IFT88: variants seen among roughly 807,000 people sequenced by gnomAD.
IFT88 encodes intraflagellar transport protein 88 homolog.
In IFT88, 74 loss-of-function variants were observed where a neutral mutation model predicts 119.5. That is an observed-to-expected ratio of 0.62 (90% confidence interval 0.51 to 0.75). The LOEUF (loss-of-function observed/expected upper bound fraction) is 0.75. IFT88 is among the 30% of genes least tolerant of loss of function. The probability of loss-of-function intolerance (pLI) is 0.00; values close to 1 mark genes in which losing one functional copy is unlikely to be tolerated. For missense variants in IFT88, 961 were observed against 977.7 expected, an observed-to-expected ratio of 0.98 and a Z score of 0.23; for synonymous variants, 279 against 316.7, an observed-to-expected ratio of 0.88 and a Z score of 1.26.
chr13:20,657,074 T>A (rs1379092048), intron 22 of IFT88, among the ~76,000 whole-genome samples: 8 of 152,206 alleles, frequency 5.3e-5, no homozygotes, highest in African/African-American at 1.9e-4. Context: ...GCCAGGCTGT[T>A]CTCAAACTCC....
intron 16 of IFT88, among the ~76,000 whole-genome samples, chr13:20,635,936 CAGCTGATT>C (rs1222662903): frequency 2.0e-5 from 3 of 152,022 alleles, no homozygotes; most frequent in Non-Finnish European, 4.4e-5. Context: ...CCTGTGTTTG[CAGCTGATT>C]AACTTTCTCA....
rs557485450 is a variant in IFT88 at position 20,672,396 on chromosome 13, T to C, written c.2242+1357T>C. ...CAGCATTGAGCCCAAGCCTCAAGAGTACCAAAGGCAGTCTGTCACATCAAA... is the reference window on the plus strand; with the variant it reads ...CAGCATTGAGCCCAAGCCTCAAGAGCACCAAAGGCAGTCTGTCACATCAAA... On this transcript the variant is annotated intron_variant, in intron 24 of 25. Coordinates refer to ENST00000351808, the MANE Select transcript of IFT88 (RefSeq NM_006531.5). 4.5e-4 allele frequency among the ~76,000 whole-genome samples: 69 copies of C among 152,060 alleles called. 1 individual carries two copies. Among genetic ancestry groups the C allele is most frequent in the African/African-American group, 1.6e-3 (68 of 41,500 alleles).
In IFT88 at chr13:20,597,044, A is replaced by G; in HGVS notation, c.519A>G (p.Arg173=). Residue 173 remains arginine, a synonymous_variant, in exon 9 of 26, where the codon AGA becomes AGG. Coordinates refer to ENST00000351808, the MANE Select transcript of IFT88 (RefSeq NM_006531.5). ...TAGAAAAGGCAAAAGATGCAGGAAGAAAAGAGAGAGTCCTGGTGAGACAGC... is the reference window on the plus strand; with the variant it reads ...TAGAAAAGGCAAAAGATGCAGGAAGGAAAGAGAGAGTCCTGGTGAGACAGC... ...LALEKAKDAG[R]KERVLVRQRE... The G allele has an allele frequency of 6.2e-7, 1 of 1,606,872 alleles. No homozygotes were observed. The highest frequency in any genetic ancestry group is 8.5e-7 in the Non-Finnish European group (1 of 1,176,650).
At position 20,580,073 on chromosome 13, in the gene IFT88, A is replaced by G. The variant is rs138721219; in HGVS notation, c.91-2884A>G. Among the ~76,000 whole-genome samples, 327 of 152,122 alleles carry G rather than the reference A, an allele frequency of 2.1e-3. 1 individual carries two copies. Among genetic ancestry groups the G allele is most frequent in the African/African-American group, 7.1e-3 (293 of 41,494 alleles). Reference sequence around the variant, plus strand: ...TCTTTCCTTCATGTATACATACACAATTTTCTTTTAGTATGTTTGGAATTG... The same window carrying G: ...TCTTTCCTTCATGTATACATACACAGTTTTCTTTTAGTATGTTTGGAATTG... On this transcript the variant is annotated intron_variant, in intron 2 of 25. Transcript: ENST00000351808.
chr13:20,650,598 G>A (rs773374018), intron 20 of IFT88, among the ~76,000 whole-genome samples: 13 of 152,160 alleles, frequency 8.5e-5, no homozygotes, highest in Non-Finnish European at 1.5e-4. Context: ...CATGGTACTG[G>A]AAGTTCTAGC....
At chr13:20,681,425 G>A (rs1287206679) in intron 24 of IFT88, among the ~76,000 whole-genome samples, 1 of 152,248 alleles carries the variant, frequency 6.6e-6, no homozygotes, top group African/African-American at 2.4e-5. Flanking sequence ...TGTAAAAGAT[G>A]AGGAATGCAC....
intron 20 of IFT88, among the ~76,000 whole-genome samples, chr13:20,651,398 C>T (rs1000438996): frequency 1.6e-4 from 23 of 147,602 alleles, no homozygotes; most frequent in Admixed American, 1.0e-3. Context: ...GAATTGAAAG[C>T]TGAGGCTCAA....
intron 13 of IFT88, chr13:20,607,431 G>T: frequency 3.1e-6 from 2 of 655,270 alleles, no homozygotes; most frequent in Admixed American, 1.9e-5. Context: ...AAGAAGCAGA[G>T]CAACAAGGTG....
At chr13:20,591,230 A>G (rs1315481629) in intron 5 of IFT88, among the ~76,000 whole-genome samples, 9 of 152,186 alleles carry the variant, frequency 5.9e-5, no homozygotes, top group Admixed American at 6.5e-5. Flanking sequence ...TCAGGTATCA[A>G]ATGAATTCCC....
intron 22 of IFT88, 164 bp from the exon 23 acceptor site, chr13:20,663,334 C>A: frequency 6.6e-7 from 1 of 1,516,814 alleles, no homozygotes; most frequent in Non-Finnish European, 8.8e-7. Flanking sequence ...GTCAGTTCTC[C>A]CTGGTCCAGA....
chr13:20,644,409 G>A (rs2050429580), intron 19 of IFT88, among the ~76,000 whole-genome samples: 1 of 152,116 alleles, frequency 6.6e-6, no homozygotes, highest in South Asian at 2.1e-4. Flanking sequence ...ACTAAGGCAC[G>A]AGAATTGCCT....
At chr13:20,687,730 A>G (rs1398204074) in intron 24 of IFT88, among the ~76,000 whole-genome samples, 2 of 151,500 alleles carry the variant, frequency 1.3e-5, no homozygotes, top group African/African-American at 2.4e-5. Context: ...TTAAAAAAAG[A>G]AAAAAAAGAA....
At chr13:20,598,565 A>T in intron 9 of IFT88, 86 bp from the exon 10 acceptor site, 1 of 706,822 alleles carries the variant, frequency 1.4e-6, no homozygotes, top group Non-Finnish European at 2.4e-6. Flanking sequence ...TAACTTTGTT[A>T]TAGGATTTTA....
At chr13:20,594,993 A>T (rs1034428169) in intron 7 of IFT88, among the ~76,000 whole-genome samples, 1 of 151,898 alleles carries the variant, frequency 6.6e-6, no homozygotes, top group African/African-American at 2.4e-5. Context: ...ATTTTGCCAA[A>T]AGAAAGTGGT....
chr13:20,591,716 G>T, intron 6 of IFT88, 35 bp downstream of exon 6: 1 of 1,372,012 alleles, frequency 7.3e-7, no homozygotes, highest in Non-Finnish European at 1.0e-6. Flanking sequence ...AATCTTTTTT[G>T]GATCTTTTAA....
intron 24 of IFT88, among the ~76,000 whole-genome samples, chr13:20,675,858 A>G (rs767318746): frequency 1.3e-5 from 2 of 152,250 alleles, no homozygotes; most frequent in African/African-American, 2.4e-5. Context: ...TGGATAGACA[A>G]AAATAGGGTG....
chr13:20,601,500 A>G (rs924641815), intron 11 of IFT88, among the ~76,000 whole-genome samples: 4 of 152,250 alleles, frequency 2.6e-5, no homozygotes, highest in African/African-American at 7.2e-5. Context: ...TTCCACAACT[A>G]TATAAATACA....
At chr13:20,641,220 C>A in intron 17 of IFT88, 70 bp from the exon 18 acceptor site, 3 of 812,272 alleles carry the variant, frequency 3.7e-6, no homozygotes, top group Non-Finnish European at 5.9e-6. Flanking sequence ...GAGATTTATT[C>A]TGTTATGTTA....
At chr13:20,639,247 T>C (rs1404540390) in intron 17 of IFT88, among the ~76,000 whole-genome samples, 1 of 152,224 alleles carries the variant, frequency 6.6e-6, no homozygotes, top group Non-Finnish European at 1.5e-5. Context: ...TTATGGACTT[T>C]ACTTAGATGT....
Sources: gnomAD v4.1 joint callset for allele counts (sites outside exome capture counted in the v4.1 genomes callset) on GRCh38, gnomAD v4.1.1 for gene constraint, MANE v1.5 for transcripts, NCBI Gene and HGNC (gene_info 2026-07-23, HGNC 2026-07-21) for gene names.